Variants in DHX29 observed in about 807,000 individuals in gnomAD.
The protein encoded by DHX29 is DExH-box helicase 29, also known as ATP-dependent RNA helicase DHX29.
In DHX29, 79 loss-of-function variants were observed where a neutral mutation model predicts 167.9. That is an observed-to-expected ratio of 0.47 (90% CI 0.39 to 0.57). The LOEUF (loss-of-function observed/expected upper bound fraction) is 0.57, where lower values mean the gene tolerates loss of function less well. Ranked by LOEUF, DHX29 falls within the 20% of genes least tolerant of loss-of-function variation. The pLI is 0.00. For synonymous variants in DHX29, 530 were observed against 546.0 expected, an observed-to-expected ratio of 0.97 and a Z score of 0.41; for missense variants, 1,347 against 1,593.4, an observed-to-expected ratio of 0.85 and a Z score of 2.63.
At chr5:55,262,495 T>C (rs1746356929) in intron 24 of DHX29, 135 bp downstream of exon 24, 1 of 1,160,650 alleles carries the variant, frequency 8.6e-7, no homozygotes, top group African/African-American at 1.5e-5. Context: ...ATGTGCATCT[T>C]GATTTCAAAT....
intron 13 of DHX29, 152 bp from the exon 14 acceptor site, chr5:55,276,558 G>C: frequency 1.7e-6 from 1 of 596,584 alleles, no homozygotes; most frequent in Non-Finnish European, 2.8e-6. Flanking sequence ...TGGGAATGAA[G>C]ACTTGGTTGA....
intron 1 of DHX29, 22 bp downstream of exon 1, chr5:55,307,364 AG>A (rs1345705533): frequency 6.2e-7 from 1 of 1,603,312 alleles, no homozygotes; most frequent in East Asian, 2.2e-5. Context: ...GCAGACAGCC[AG>A]GGGCTGGGGG....
chr5:55,294,996 A>C (rs891243509), intron 5 of DHX29: 7 of 165,330 alleles, frequency 4.2e-5, no homozygotes, highest in Non-Finnish European at 6.5e-5. Flanking sequence ...TAAGACCACT[A>C]TATGTGAGGA....
At chr5:55,288,734 T>C (rs975700696) in intron 8 of DHX29, among the ~76,000 whole-genome samples, 5 of 152,108 alleles carry the variant, frequency 3.3e-5, no homozygotes, top group Admixed American at 2.0e-4. Context: ...AGGGAGGGCT[T>C]AGGGAAGAGG....
At chr5:55,274,412 A>G (rs1747003951) in intron 16 of DHX29, among the ~76,000 whole-genome samples, 1 of 152,124 alleles carries the variant, frequency 6.6e-6, no homozygotes, top group Admixed American at 6.6e-5. Flanking sequence ...AATAAAATGG[A>G]ATAAATGCAG....
chr5:55,265,409 G>T (rs776227483), intron 23 of DHX29, among the ~76,000 whole-genome samples: 3 of 151,520 alleles, frequency 2.0e-5, no homozygotes, highest in Non-Finnish European at 4.4e-5. Flanking sequence ...ACCTGAATTG[G>T]ATTAAACTCT....
chr5:55,298,546 A>G, intron 2 of DHX29, 45 bp downstream of exon 2: 1 of 1,174,012 alleles, frequency 8.5e-7, no homozygotes, highest in Non-Finnish European at 1.3e-6. Context: ...GGGGGAAAAA[A>G]GGGGGAAACA....
chr5:55,292,603 A>C (rs1748107215), intron 6 of DHX29, among the ~76,000 whole-genome samples: 1 of 152,178 alleles, frequency 6.6e-6, no homozygotes, highest in Non-Finnish European at 1.5e-5. Flanking sequence ...CTGTCAAGGA[A>C]AAGTGTCAAA....
intron 4 of DHX29, 69 bp downstream of exon 4, chr5:55,296,151 A>G: frequency 2.0e-6 from 3 of 1,483,406 alleles, no homozygotes; most frequent in Non-Finnish European, 2.7e-6. Context: ...ATGAGCCAAA[A>G]GGTTGATACA....
At chr5:55,299,107 T>A (rs1037662723) in intron 1 of DHX29, among the ~76,000 whole-genome samples, 2 of 151,734 alleles carry the variant, frequency 1.3e-5, no homozygotes, top group Non-Finnish European at 2.9e-5. Context: ...CCCCAATACT[T>A]CACCAAATAA....
rs141930661 is a variant in DHX29, at chr5:55,285,914, T to C, written c.1067-53A>G. 3.3e-4 allele frequency: 457 copies of C among 1,390,888 alleles called. No individual in the cohort carries two copies. In the African/African-American group the frequency reaches 5.9e-3, roughly 18 times the overall value. 86.2% of individuals were successfully genotyped at this position (1,390,888 alleles called of 1,614,324 possible). A position where few individuals can be genotyped will look rare whatever the true frequency, so the allele number is the denominator to read the frequency against. ...TTAAAAATGGTCAAGCATTCTCTTT[T>C]CAGTGATCAAAGTCCTCTCTTGCTT... is the stretch of plus-strand genomic sequence containing the variant. On this transcript the variant is annotated intron_variant, in intron 8 of 26. Coordinates refer to ENST00000251636, the MANE Select transcript of DHX29 (RefSeq NM_019030.4).
chr5:55,283,856 A>G, intron 10 of DHX29, 45 bp from the exon 11 acceptor site: 2 of 1,484,116 alleles, frequency 1.3e-6, no homozygotes, highest in South Asian at 1.4e-5. Context: ...ACTATTCAAT[A>G]TGGAAATTCA....
At chr5:55,273,232 T>C in intron 17 of DHX29, 61 bp downstream of exon 17, 2 of 1,488,210 alleles carry the variant, frequency 1.3e-6, no homozygotes, top group East Asian at 2.3e-5. Flanking sequence ...TAAAAAGTTA[T>C]ACGGCCATCA....
In DHX29 at chr5:55,275,436, C is replaced by T. The variant is rs182088451; in HGVS notation, c.2428-426G>A. Among the ~76,000 whole-genome samples the T allele has an allele frequency of 1.3e-3, 203 of 152,266 alleles. 2 individuals are homozygous for T. The Middle Eastern group carries it at 0.024, about 18-fold the overall frequency. The stretch of plus-strand genomic sequence containing the variant: ...ATTCCAATCATCTCTTTTGAAATAA[C>T]TATATTCTAAAGTCTTTCTTTAGTT... On this transcript the variant is annotated intron_variant, in intron 14 of 26. Coordinates refer to ENST00000251636, the MANE Select transcript of DHX29 (RefSeq NM_019030.4).
Position 55,277,086 on chromosome 5 carries a change from A to G in DHX29, c.2286+20T>C. The G allele has an allele frequency of 6.3e-7, 1 of 1,575,956 alleles. No individual in the cohort carries two copies. The highest frequency in any genetic ancestry group is 8.6e-7 in the Non-Finnish European group (1 of 1,157,292). Reference sequence around the variant, plus strand: ...GGGAATGCAGTTTCTGCTTATACACACATTATAAAGAAAACTTACCTCAAC... The same window carrying G: ...GGGAATGCAGTTTCTGCTTATACACGCATTATAAAGAAAACTTACCTCAAC... On this transcript the variant is annotated intron_variant, in intron 13 of 26. Transcript: ENST00000251636.
At chr5:55,261,162 TAATA>T (rs1338407914) in intron 25 of DHX29, among the ~76,000 whole-genome samples, 4 of 152,188 alleles carry the variant, frequency 2.6e-5, no homozygotes, top group Non-Finnish European at 5.9e-5. Flanking sequence ...TTGTTATTAA[TAATA>T]AATAGAATTT....
At chr5:55,298,519 A>G (rs1748431377) in intron 2 of DHX29, 72 bp downstream of exon 2, 7 of 893,778 alleles carry the variant, frequency 7.8e-6, no homozygotes, top group Non-Finnish European at 1.3e-5. Flanking sequence ...TCTTACATTT[A>G]AGGATACATC....
chr5:55,271,423 G>C (rs1325954753), intron 18 of DHX29, among the ~76,000 whole-genome samples: 1 of 152,212 alleles, frequency 6.6e-6, no homozygotes, highest in African/African-American at 2.4e-5. Context: ...CTGAGGTCAG[G>C]AGTTCGAGAC....
chr5:55,278,041 A>G (rs1217888354), intron 12 of DHX29, among the ~76,000 whole-genome samples: 2 of 152,188 alleles, frequency 1.3e-5, no homozygotes, highest in East Asian at 3.9e-4. Context: ...TCTACTAGGT[A>G]GAAAAAGAGG....
Sources: gnomAD v4.1 joint callset for allele counts (sites outside exome capture counted in the v4.1 genomes callset) on GRCh38, gnomAD v4.1.1 for gene constraint, MANE v1.5 for transcripts, NCBI Gene and HGNC (gene_info 2026-07-23, HGNC 2026-07-21) for gene names.